Variants in ZNF148 observed in about 807,000 individuals in gnomAD.
ZNF148 encodes zinc finger protein 148.
In ZNF148, 7 loss-of-function variants were observed where a neutral mutation model predicts 67.7. That is an observed-to-expected ratio of 0.10 (90% CI 0.06 to 0.19). The LOEUF (loss-of-function observed/expected upper bound fraction) is 0.19, where lower values mean the gene tolerates loss of function less well. Among genes scored for constraint, ZNF148 ranks in the 10% least tolerant of loss-of-function variants. The pLI is 1.00. For synonymous variants in ZNF148, 333 were observed against 330.7 expected (o/e 1.01, Z -0.08); for missense variants, 583 against 947.1 (o/e 0.62, Z 5.05).
intron 1 of ZNF148, among the ~76,000 whole-genome samples, chr3:125,363,703 C>A (rs1339492701): frequency 6.6e-6 from 1 of 151,602 alleles, no homozygotes; most frequent in African/African-American, 2.4e-5. Context: ...GTCACCCAGG[C>A]TGGAGTGTAG....
chr3:125,320,673 C>T (rs1940731466), intron 3 of ZNF148, among the ~76,000 whole-genome samples: 1 of 152,126 alleles, frequency 6.6e-6, no homozygotes, highest in Non-Finnish European at 1.5e-5. Flanking sequence ...TTCAGTAATA[C>T]CTCTTCCCCT....
chr3:125,276,432 AT>A (rs1176654161), intron 7 of ZNF148, among the ~76,000 whole-genome samples: 18 of 151,264 alleles, frequency 1.2e-4, no homozygotes, highest in Non-Finnish European at 1.5e-5. Flanking sequence ...TTATTTATTT[AT>A]TTTATTTATT....
At chr3:125,301,230 G>T (rs1939571331) in intron 4 of ZNF148, among the ~76,000 whole-genome samples, 1 of 152,202 alleles carries the variant, frequency 6.6e-6, no homozygotes, top group African/African-American at 2.4e-5. Context: ...AGTTGGCCTA[G>T]GCCAGGTATG....
At chr3:125,361,630 G>C (rs149979365) in intron 1 of ZNF148, among the ~76,000 whole-genome samples, 1 of 151,830 alleles carries the variant, frequency 6.6e-6, no homozygotes, top group East Asian at 1.9e-4. Context: ...TCAGGAGTTC[G>C]ACACCAGCCC....
At chr3:125,341,104 T>C (rs912990080) in intron 1 of ZNF148, among the ~76,000 whole-genome samples, 3 of 150,170 alleles carry the variant, frequency 2.0e-5, no homozygotes. Flanking sequence ...GTAAATCAGA[T>C]GTTGGAATTT....
At chr3:125,238,787 G>A (rs1250095220) in intron 7 of ZNF148, among the ~76,000 whole-genome samples, 1 of 152,086 alleles carries the variant, frequency 6.6e-6, no homozygotes, top group African/African-American at 2.4e-5. Context: ...TTGAAAACAT[G>A]GATTCAAACA....
intron 7 of ZNF148, among the ~76,000 whole-genome samples, chr3:125,242,278 T>A (rs1040486248): frequency 1.2e-4 from 18 of 152,352 alleles, no homozygotes; most frequent in Middle Eastern, 6.8e-3. Context: ...GATCTGCTCA[T>A]ATTTTCAGAC....
At chr3:125,324,423 A>C (rs4679167) in intron 2 of ZNF148, among the ~76,000 whole-genome samples, 117,254 of 152,114 alleles carry the variant, frequency 0.77, 45,737 homozygotes, top group African/African-American at 0.85. Context: ...AGTGACAGAG[A>C]AAAGCTGACA....
intron 5 of ZNF148, among the ~76,000 whole-genome samples, chr3:125,287,171 A>G (rs1938704836): frequency 6.6e-6 from 1 of 152,230 alleles, no homozygotes; most frequent in Admixed American, 6.5e-5. Flanking sequence ...AATTTTTAAA[A>G]AGCCATCAAA....
At chr3:125,258,287 T>C (rs1443479048) in intron 7 of ZNF148, among the ~76,000 whole-genome samples, 1 of 151,764 alleles carries the variant, frequency 6.6e-6, no homozygotes, top group Non-Finnish European at 1.5e-5. Context: ...TAGCCGGGCA[T>C]GGTGGCAGGT....
At chr3:125,301,755 C>A (rs1010613396) in intron 4 of ZNF148, among the ~76,000 whole-genome samples, 1 of 152,080 alleles carries the variant, frequency 6.6e-6, no homozygotes, top group African/African-American at 2.4e-5. Flanking sequence ...GATCAATGTT[C>A]TCTCTTCAAT....
At chr3:125,347,072 TAAG>T (rs1278610745) in intron 1 of ZNF148, among the ~76,000 whole-genome samples, 7 of 151,982 alleles carry the variant, frequency 4.6e-5, no homozygotes, top group Admixed American at 4.6e-4. Flanking sequence ...AAAATAAAAT[TAAG>T]AAAATCATAA....
chr3:125,232,544 A>G lies in ZNF148; in HGVS notation c.2182T>C (p.Ser728Pro). 1 of 1,613,700 alleles carries G rather than the reference A, an allele frequency of 6.2e-7. No individual in the cohort carries two copies. Among genetic ancestry groups the G allele is most frequent in the East Asian group, 2.2e-5 (1 of 44,876 alleles). Residue 728 changes from serine to proline, a missense_variant, in exon 9 of 9, where the codon TCC (serine) becomes CCC (proline). Coordinates refer to ENST00000360647, the MANE Select transcript of ZNF148 (RefSeq NM_021964.3). This position sits in a 1 kb window ranked among gnomAD's most constrained non-coding sequence, Gnocchi z 4.2. Reference protein sequence around the residue: ...QPVHQAYQMSSFEQPFRAPYH... With the variant: ...QPVHQAYQMSPFEQPFRAPYH... ...GGAGCACGGAAGGGCTGTTCAAAGG[A>G]GCTCATTTGGTAAGCTTGGTGGACA...
At position 125,343,282 on chromosome 3, in the gene ZNF148, T is replaced by G. The variant is rs79540645; in HGVS notation, c.-233-12044A>C. Among the ~76,000 whole-genome samples the G allele has an allele frequency of 4.8e-4, 72 of 150,122 alleles. No individual in the cohort carries two copies. In the East Asian group the frequency reaches 0.013, roughly 27 times the overall value. On this transcript the variant is annotated intron_variant, in intron 1 of 8. Coordinates refer to ENST00000360647, the MANE Select transcript of ZNF148 (RefSeq NM_021964.3). Reference sequence around the variant, plus strand: ...ATTTAGTAAAAATGCAAAGTACACATAGAGATTTACAATTTTAAAGACAAA... The same window carrying G: ...ATTTAGTAAAAATGCAAAGTACACAGAGAGATTTACAATTTTAAAGACAAA...
intron 3 of ZNF148, among the ~76,000 whole-genome samples, chr3:125,317,688 T>TAC (rs201993120): frequency 0.29 from 34,468 of 117,650 alleles, 5,569 homozygotes; most frequent in African/African-American, 0.37. Flanking sequence ...GAAATACATA[T>TAC]ACACACACAC....
intron 7 of ZNF148, among the ~76,000 whole-genome samples, chr3:125,239,528 A>T (rs1253132746): frequency 2.0e-5 from 3 of 152,204 alleles, no homozygotes; most frequent in Admixed American, 2.0e-4. Context: ...TAATAACAAA[A>T]GCATGGATGT....
At chr3:125,319,517 A>G (rs1394455400) in intron 3 of ZNF148, among the ~76,000 whole-genome samples, 1 of 152,076 alleles carries the variant, frequency 6.6e-6, no homozygotes, top group Non-Finnish European at 1.5e-5. Flanking sequence ...AAAAACTGGG[A>G]AAAAAATGCT....
intron 1 of ZNF148, among the ~76,000 whole-genome samples, chr3:125,369,384 CAAAAAAAAAAA>C (rs759752715): frequency 6.3e-5 from 3 of 47,520 alleles, no homozygotes; most frequent in Admixed American, 3.2e-4. Flanking sequence ...ACTGCAACCT[CAAAAAAAAAAA>C]AAAAAAAAAA....
At chr3:125,365,090 T>C (rs1245789068) in intron 1 of ZNF148, among the ~76,000 whole-genome samples, 1 of 152,180 alleles carries the variant, frequency 6.6e-6, no homozygotes, top group East Asian at 1.9e-4. Flanking sequence ...CCACAGTACT[T>C]GTGTCATAGA....
Sources: allele counts gnomAD v4.1 joint callset (sites outside exome capture counted in the v4.1 genomes callset), GRCh38; gene constraint gnomAD v4.1.1; non-coding constraint Gnocchi (gnomAD v3.1); transcripts MANE v1.5; gene names NCBI Gene and HGNC (gene_info 2026-07-23, HGNC 2026-07-21).